Variants in MEGF6 observed in about 807,000 individuals in gnomAD.
MEGF6 encodes the protein multiple EGF like domains 6.
A neutral mutation model predicts 207.1 loss-of-function variants in MEGF6; 184 were observed. The observed-to-expected ratio is 0.89, with a 90% CI of 0.79 to 1.00. MEGF6 has a LOEUF of 1.00. MEGF6 is among the 50% of genes least tolerant of loss of function. MEGF6 has a pLI of 0.00. For synonymous variants in MEGF6, 1,038 were observed against 910.0 expected (o/e 1.14, Z -2.53); for missense variants, 2,282 against 2,202.9 (o/e 1.04, Z -0.72).
intron 26 of MEGF6, 153 bp from the exon 27 acceptor site, chr1:3,497,514 GCCACCCC>G: frequency 1.9e-6 from 2 of 1,079,520 alleles, no homozygotes; most frequent in Non-Finnish European, 2.6e-6. Context: ...GGAGCCCCCC[GCCACCCC>G]GGAGGGCAGA....
At chr1:3,615,843 C>T (rs1644373930), upstream of MEGF6, among the ~76,000 whole-genome samples, 1 of 152,244 alleles carries the variant, frequency 6.6e-6, no homozygotes, top group Non-Finnish European at 1.5e-5. Context: ...GGCACCCAGG[C>T]CACCACTCCT....
intron 1 of MEGF6, among the ~76,000 whole-genome samples, chr1:3,607,683 A>G (rs993501467): frequency 6.6e-6 from 1 of 152,238 alleles, no homozygotes; most frequent in Non-Finnish European, 1.5e-5. Context: ...GACCTTTGAC[A>G]GGACCAGAGT....
chr1:3,558,361 G>A (rs1177782199), intron 4 of MEGF6, among the ~76,000 whole-genome samples: 1 of 152,188 alleles, frequency 6.6e-6, no homozygotes, highest in Non-Finnish European at 1.5e-5. Context: ...TAGGTCTGGT[G>A]CGGTGGCTCA....
At chr1:3,623,211 C>CTCTCTGGAA in the MEGF6 span, 3 of 152,060 alleles carry the variant, frequency 2.0e-5, no homozygotes, top group Admixed American at 2.0e-4. Context: ...CTCCCTCCCT[C>CTCTCTGGAA]TCTCTGGAAT....
chr1:3,500,688 G>T lies in MEGF6; in HGVS notation c.2652C>A (p.Ala884=). The change falls in exon 21 of 37, where the codon GCC becomes GCA. Residue 884 remains alanine, a synonymous_variant. Coordinates refer to ENST00000356575, the MANE Select transcript of MEGF6 (RefSeq NM_001409.4). ...NCSAGHGSCD[A]ISGLCLCEAG... ...CCTCACACAGACACAGGCCGCTGAT[G>T]GCATCACAGCTCCCGTGGCCAGCGC... 1 of 1,580,586 alleles carries T rather than the reference G, an allele frequency of 6.3e-7. No individual in the cohort carries two copies. Among genetic ancestry groups the T allele is most frequent in the South Asian group, 1.1e-5 (1 of 86,960 alleles).
In MEGF6 at chr1:3,611,314, C is replaced by G; in HGVS notation, c.-46G>C. The G allele has an allele frequency of 7.1e-7, 1 of 1,405,142 alleles. No homozygotes were observed. The highest frequency in any genetic ancestry group is 1.5e-5 in the African/African-American group (1 of 66,742). The allele number at this position is 1,405,142 out of a possible 1,614,324, so 87.0% of individuals were successfully genotyped here. A position where few individuals can be genotyped will look rare whatever the true frequency, so the allele number is the denominator to read the frequency against. On this transcript the variant is annotated 5_prime_UTR_variant, in exon 1 of 37. Coordinates refer to ENST00000356575, the MANE Select transcript of MEGF6 (RefSeq NM_001409.4). ...CCGCTCTCCGGCTCACAGGCGGCCC[C>G]GGCGGCTCCCCGGAGCCTCCGCCTC...
intron 2 of MEGF6, among the ~76,000 whole-genome samples, chr1:3,596,852 G>A (rs1465481258): frequency 1.3e-5 from 2 of 151,988 alleles, no homozygotes; most frequent in Non-Finnish European, 2.9e-5. Context: ...TACAAACCTA[G>A]AGCAGAGGGA....
intron 5 of MEGF6, among the ~76,000 whole-genome samples, chr1:3,517,166 C>T (rs1209962282): frequency 2.0e-5 from 3 of 152,226 alleles, no homozygotes; most frequent in Non-Finnish European, 4.4e-5. Context: ...AGGAAACAGA[C>T]CCCCTCCTGG....
rs1245263731 is a variant in MEGF6 at position 3,534,256 on chromosome 1, G to A, written c.482-10010C>T. 3.9e-5 allele frequency among the ~76,000 whole-genome samples: 6 copies of A among 152,346 alleles called. No individual in the cohort carries two copies. In the South Asian group the frequency reaches 1.0e-3, roughly 26 times the overall value. The stretch of plus-strand genomic sequence containing the variant: ...AAAGAATAGAAGAGAACTACCCAGT[G>A]AGCCATTTTTATATGGACTGCAATG... On this transcript the variant is annotated intron_variant, in intron 4 of 36. Coordinates refer to ENST00000356575, the MANE Select transcript of MEGF6 (RefSeq NM_001409.4).
chr1:3,493,624 C>T, intron 34 of MEGF6, 147 bp downstream of exon 34: 5 of 1,159,916 alleles, frequency 4.3e-6, no homozygotes, highest in Non-Finnish European at 4.8e-6. Context: ...GACTCCAGCC[C>T]CCCCAGGGGG....
chr1:3,612,212 T>C (rs367544529), upstream of MEGF6, among the ~76,000 whole-genome samples: 31 of 152,194 alleles, frequency 2.0e-4, 1 homozygote, highest in African/African-American at 7.2e-4. Flanking sequence ...CTGCATGTTC[T>C]TGGACAGTGG....
chr1:3,602,721 G>GCCT (rs1644180577), intron 1 of MEGF6, 121 bp from the exon 2 acceptor site: 7 of 1,377,768 alleles, frequency 5.1e-6, no homozygotes, highest in Non-Finnish European at 6.7e-6. Flanking sequence ...CCGTGGCCAG[G>GCCT]CCTCCACGGC....
the MEGF6 span, among the ~76,000 whole-genome samples, chr1:3,618,951 C>T: frequency 1.3e-5 from 2 of 152,250 alleles, no homozygotes; most frequent in Non-Finnish European, 2.9e-5. This position sits in a 1 kb window ranked among gnomAD's most constrained non-coding sequence, Gnocchi z 4.7. Flanking sequence ...TTGGGCTGCC[C>T]TTTGGCACGT....
rs769067920 is a variant in MEGF6, at chr1:3,515,538, AG to A, written c.605-12del. On this transcript the variant is annotated splice_polypyrimidine_tract_variant and intron_variant, in intron 5 of 36. Transcript: ENST00000356575. ...CGCAGGAGTTAATGGCTGGGGACAC[AG>A]GGAGGACCCCAAGTCAGCCCAAGAG... 1.9e-6 allele frequency: 3 copies of A among 1,610,282 alleles called. No homozygotes were observed. The highest frequency in any genetic ancestry group is 1.7e-5 in the Admixed American group (1 of 59,970).
At chr1:3,613,124 C>T (rs150895683), upstream of MEGF6, among the ~76,000 whole-genome samples, 29 of 151,822 alleles carry the variant, frequency 1.9e-4, no homozygotes, top group African/African-American at 6.6e-4. Flanking sequence ...ACCCCAGCTA[C>T]CAGTTGGTGC....
chr1:3,605,043 C>A (rs1042866668), intron 1 of MEGF6, among the ~76,000 whole-genome samples: 7 of 151,786 alleles, frequency 4.6e-5, no homozygotes, highest in Non-Finnish European at 8.8e-5. Context: ...AGCACCTGCA[C>A]ACACACAAAC....
At chr1:3,497,438 G>T in intron 26 of MEGF6, 77 bp from the exon 27 acceptor site, 1 of 1,432,908 alleles carries the variant, frequency 7.0e-7, no homozygotes, top group Non-Finnish European at 9.2e-7. Context: ...GCCGGGAGCA[G>T]GTGCTGTGGG....
At chr1:3,549,421 C>G (rs1013221435) in intron 4 of MEGF6, among the ~76,000 whole-genome samples, 1 of 152,200 alleles carries the variant, frequency 6.6e-6, no homozygotes, top group African/African-American at 2.4e-5. Context: ...GACGGCTCCT[C>G]CCCAAAGCCA....
intron 5 of MEGF6, among the ~76,000 whole-genome samples, chr1:3,520,457 A>AG (rs1425404398): frequency 6.6e-6 from 1 of 152,180 alleles, no homozygotes; most frequent in Admixed American, 6.5e-5. Context: ...GGGGAAGGCA[A>AG]GGGCGGGCTC....
Sources: gnomAD v4.1 joint callset for allele counts (sites outside exome capture counted in the v4.1 genomes callset) on GRCh38, gnomAD v4.1.1 for gene constraint, Gnocchi (gnomAD v3.1) non-coding constraint, MANE v1.5 for transcripts, NCBI Gene and HGNC (gene_info 2026-07-23, HGNC 2026-07-21) for gene names.